The following RASGRF2 variants were observed in gnomAD, a reference collection of about 807,000 sequenced individuals.
RASGRF2 encodes the protein Ras protein specific guanine nucleotide releasing factor 2, also known as ras-specific guanine nucleotide-releasing factor 2.
In RASGRF2, 76 loss-of-function variants were observed where a neutral mutation model predicts 151.0. That is an observed-to-expected ratio of 0.50 (90% CI 0.42 to 0.61). The LOEUF (loss-of-function observed/expected upper bound fraction) is 0.61, where lower values mean the gene tolerates loss of function less well. Among genes scored for constraint, RASGRF2 ranks in the 20% least tolerant of loss-of-function variants. RASGRF2 has a pLI of 0.00. For synonymous variants in RASGRF2, 504 were observed against 566.5 expected (o/e 0.89, Z 1.57); for missense variants, 1,148 against 1,564.6 (o/e 0.73, Z 4.49).
intron 1 of RASGRF2, among the ~76,000 whole-genome samples, chr5:80,991,316 T>TG (rs1436788811): frequency 6.6e-6 from 1 of 152,026 alleles, no homozygotes; most frequent in Non-Finnish European, 1.5e-5. Context: ...GTGTGTGTGT[T>TG]GGGGGGCCTG....
At chr5:81,211,250 C>T (rs1225489221) in intron 22 of RASGRF2, among the ~76,000 whole-genome samples, 7 of 152,028 alleles carry the variant, frequency 4.6e-5, no homozygotes, top group Non-Finnish European at 8.8e-5. Flanking sequence ...CAAACCCCAC[C>T]GTGAATAGAC....
chr5:81,092,984 C>A, intron 10 of RASGRF2, 23 bp downstream of exon 10: 1 of 1,577,752 alleles, frequency 6.3e-7, no homozygotes, highest in South Asian at 1.2e-5. Flanking sequence ...CATAACTGTT[C>A]CATTTATCTT....
At chr5:81,087,040 G>A in intron 9 of RASGRF2, 87 bp downstream of exon 9, 1 of 1,244,664 alleles carries the variant, frequency 8.0e-7, no homozygotes, top group Non-Finnish European at 1.2e-6. Flanking sequence ...GTTCTGAACA[G>A]GCGTGACGGG....
In RASGRF2 at chr5:80,960,717, G is replaced by T. The variant is rs1231947402; in HGVS notation, c.-22G>T. On this transcript the variant is annotated 5_prime_UTR_variant, in exon 1 of 27. Coordinates refer to ENST00000265080, the MANE Select transcript of RASGRF2 (RefSeq NM_006909.3). This position sits in a 1 kb window ranked among gnomAD's most constrained non-coding sequence, Gnocchi z 5.5. ...GCAGGGGTGAGACCGGCGGCCACCC[G>T]TGAGCCCTCCGCACCCGCACCATGC... 3 of 1,506,706 alleles carry T rather than the reference G, an allele frequency of 2.0e-6. No homozygotes were observed. Among genetic ancestry groups the T allele is most frequent in the African/African-American group, 2.8e-5 (2 of 72,350 alleles). 93.3% of individuals were successfully genotyped at this position (1,506,706 alleles called of 1,614,324 possible).
chr5:81,200,702 G>T (rs746533215), intron 18 of RASGRF2, among the ~76,000 whole-genome samples: 3 of 152,164 alleles, frequency 2.0e-5, no homozygotes, highest in Non-Finnish European at 2.9e-5. Flanking sequence ...CCTTTCAATG[G>T]AATACAGGGA....
intron 1 of RASGRF2, among the ~76,000 whole-genome samples, chr5:81,024,249 ATTTTTT>A (rs397884951): frequency 1.8e-4 from 13 of 71,682 alleles, no homozygotes; most frequent in African/African-American, 6.4e-4. Flanking sequence ...TATTCATATA[ATTTTTT>A]TTTTTTTTTT....
chr5:81,030,047 G>A (rs1468162757), intron 1 of RASGRF2, among the ~76,000 whole-genome samples: 2 of 152,150 alleles, frequency 1.3e-5, no homozygotes, highest in African/African-American at 4.8e-5. Context: ...GGAAGAAAGG[G>A]TATCAGTGAT....
chr5:81,204,829 G>A (rs1481642385), intron 19 of RASGRF2, among the ~76,000 whole-genome samples: 4 of 151,130 alleles, frequency 2.6e-5, no homozygotes, highest in Non-Finnish European at 4.4e-5. Context: ...GCACCAGAGT[G>A]CCTCTTGGAA....
chr5:81,143,346 C>G (rs529724525), intron 17 of RASGRF2, among the ~76,000 whole-genome samples: 77 of 151,886 alleles, frequency 5.1e-4, no homozygotes, highest in African/African-American at 1.7e-3. Flanking sequence ...TGGGGTTACA[C>G]CATGTTGGCC....
chr5:80,980,009 C>T (rs1191480708), intron 1 of RASGRF2, among the ~76,000 whole-genome samples: 1 of 152,200 alleles, frequency 6.6e-6, no homozygotes, highest in East Asian at 1.9e-4. Context: ...GCATTACCTA[C>T]TCATTTGGCA....
At chr5:81,155,717 G>T (rs984493675) in intron 17 of RASGRF2, among the ~76,000 whole-genome samples, 1 of 152,060 alleles carries the variant, frequency 6.6e-6, no homozygotes, top group Non-Finnish European at 1.5e-5. Flanking sequence ...TAGGGTGACT[G>T]GTCTAAAGCA....
intron 1 of RASGRF2, among the ~76,000 whole-genome samples, chr5:80,974,429 C>T (rs1165071370): frequency 6.6e-6 from 1 of 152,228 alleles, no homozygotes; most frequent in African/African-American, 2.4e-5. Flanking sequence ...CTAGTGAACA[C>T]CACTGGGTTT....
At chr5:81,032,959 C>A (rs1750321230) in intron 1 of RASGRF2, among the ~76,000 whole-genome samples, 1 of 152,168 alleles carries the variant, frequency 6.6e-6, no homozygotes, top group African/African-American at 2.4e-5. Flanking sequence ...TCTCAGGATA[C>A]AAAATCAATG....
intron 17 of RASGRF2, among the ~76,000 whole-genome samples, chr5:81,136,034 A>T (rs920445619): frequency 3.9e-5 from 6 of 152,134 alleles, no homozygotes; most frequent in Non-Finnish European, 8.8e-5. Context: ...ATATTTTGAG[A>T]TGGAGTCTCA....
chr5:80,963,999 GT>G (rs149116989), intron 1 of RASGRF2, among the ~76,000 whole-genome samples: 1,922 of 141,556 alleles, frequency 0.014, 16 homozygotes, highest in African/African-American at 0.02. Flanking sequence ...AAAAAAATCC[GT>G]TTTTTTTTTT....
intron 26 of RASGRF2, among the ~76,000 whole-genome samples, chr5:81,223,631 ACT>A (rs1019854208): frequency 6.6e-6 from 1 of 150,602 alleles, no homozygotes; most frequent in African/African-American, 2.4e-5. Context: ...ACAGAGCGAG[ACT>A]CCGTCTCAGA....
At chr5:81,093,438 A>G (rs34239499) in intron 10 of RASGRF2, among the ~76,000 whole-genome samples, 2 of 151,890 alleles carry the variant, frequency 1.3e-5, no homozygotes, top group East Asian at 1.9e-4. Context: ...TTGAGATAGG[A>G]TCTCACTCTG....
chr5:81,126,949 A>T, intron 16 of RASGRF2, 125 bp from the exon 17 acceptor site: 1 of 966,710 alleles, frequency 1.0e-6, no homozygotes, highest in Non-Finnish European at 1.5e-6. Flanking sequence ...TTGCCCATTA[A>T]CAGAGATAAT....
At position 81,112,690 on chromosome 5, in the gene RASGRF2, G is replaced by A. The variant is rs1368359074; in HGVS notation, c.1919G>A (p.Arg640His). 6.2e-6 allele frequency: 10 copies of A among 1,614,196 alleles called. No individual in the cohort carries two copies. The highest frequency in any genetic ancestry group is 2.2e-5 in the South Asian group (2 of 91,078). Reference sequence around the variant, plus strand: ...AACTCCTGCAAAGTGCCCCAGATCCGTTATGCCAGCGTGGAGCGCCTCTTG... The same window carrying A: ...AACTCCTGCAAAGTGCCCCAGATCCATTATGCCAGCGTGGAGCGCCTCTTG... ...TLNSCKVPQIRYASVERLLER... is the reference protein window; with the variant it reads ...TLNSCKVPQIHYASVERLLER... The change falls in exon 14 of 27, where the codon CGT becomes CAT. Residue 640 changes from arginine to histidine, a missense_variant. This residue lies in a region of RASGRF2 where 646 missense variants were observed against 807.4 expected (regional missense o/e 0.80). Coordinates refer to ENST00000265080, the MANE Select transcript of RASGRF2 (RefSeq NM_006909.3).
Sources: gnomAD v4.1 joint callset for allele counts (sites outside exome capture counted in the v4.1 genomes callset) on GRCh38, gnomAD v4.1.1 for gene constraint, gnomAD v4.1.1 regional missense constraint, Gnocchi (gnomAD v3.1) non-coding constraint, MANE v1.5 for transcripts, NCBI Gene and HGNC (gene_info 2026-07-23, HGNC 2026-07-21) for gene names.